JAG2: variants seen among roughly 807,000 people sequenced by gnomAD.
JAG2 encodes protein jagged-2.
Under a neutral mutation model 141.7 loss-of-function variants are expected in JAG2, and 46 were observed. The observed-to-expected ratio is 0.32, with a 90% confidence interval of 0.26 to 0.42. The LOEUF is 0.42. Among genes scored for constraint, JAG2 ranks in the 10% least tolerant of loss-of-function variants. JAG2 has a pLI of 1.00. For missense variants in JAG2, 1,500 were observed against 1,817.5 expected (o/e 0.83, Z 3.18); for synonymous variants, 862 against 763.5 (o/e 1.13, Z -2.13).
intron 2 of JAG2, among the ~76,000 whole-genome samples, chr14:105,158,532 A>G (rs75189803): frequency 0.019 from 2,928 of 152,222 alleles, 94 homozygotes; most frequent in African/African-American, 0.065. Flanking sequence ...CAGCCAAGCA[A>G]AGAGACCACA....
At chr14:105,153,439 C>A (rs913063019) in intron 5 of JAG2, among the ~76,000 whole-genome samples, 2 of 152,248 alleles carry the variant, frequency 1.3e-5, no homozygotes, top group Non-Finnish European at 2.9e-5. Flanking sequence ...GGTCATCGGC[C>A]AGAGAGCGGC....
Position 105,145,992 on chromosome 14 carries a change from G to A in JAG2, c.2710-19C>T, listed in dbSNP as rs771854644. 1.3e-5 allele frequency: 20 copies of A among 1,590,930 alleles called. No homozygotes were observed. The highest frequency in any genetic ancestry group is 1.7e-5 in the Non-Finnish European group (20 of 1,171,784). On this transcript the variant is annotated intron_variant, in intron 22 of 25. Transcript: ENST00000331782. ...ACCACACCTGGGCAGGCACGCACAGGAGGGTCAGGCGCAGGCGCACAGGAG... is the reference window on the plus strand; with the variant it reads ...ACCACACCTGGGCAGGCACGCACAGAAGGGTCAGGCGCAGGCGCACAGGAG...
chr14:105,147,225 C>A, intron 20 of JAG2, 101 bp downstream of exon 20: 1 of 897,318 alleles, frequency 1.1e-6, no homozygotes, highest in South Asian at 1.4e-5. Context: ...GTAGTTGTGG[C>A]CACACTGCCC....
chr14:105,165,751 C>T (rs768397045), intron 2 of JAG2, among the ~76,000 whole-genome samples: 7 of 152,212 alleles, frequency 4.6e-5, no homozygotes, highest in Non-Finnish European at 1.0e-4. Flanking sequence ...CCCTCTCATT[C>T]CCTTTACTCC....
At position 105,154,134 on chromosome 14, in the gene JAG2, T is replaced by C. The variant is rs1888514342; in HGVS notation, c.788+1428A>G. ...GGGGCCTGTGGAAGGGTCACCCACC[T>C]CCCCACCTTGGCTCCCAACTCAGCT... On this transcript the variant is annotated intron_variant, in intron 5 of 25. Coordinates refer to ENST00000331782, the MANE Select transcript of JAG2 (RefSeq NM_002226.5). This position sits in a 1 kb window ranked among gnomAD's most constrained non-coding sequence, Gnocchi z 4.4. 6.6e-6 allele frequency among the ~76,000 whole-genome samples: 1 copy of C among 151,966 alleles called. No homozygotes were observed. Among genetic ancestry groups the C allele is most frequent in the African/African-American group, 2.4e-5 (1 of 41,348 alleles).
intron 2 of JAG2, among the ~76,000 whole-genome samples, chr14:105,161,499 G>A (rs938176825): frequency 3.9e-4 from 60 of 152,150 alleles, no homozygotes; most frequent in African/African-American, 1.2e-3. Flanking sequence ...TGCCACCTTC[G>A]CCTGAGCCCA....
At chr14:105,164,535 C>T (rs1321888376) in intron 2 of JAG2, among the ~76,000 whole-genome samples, 3 of 152,190 alleles carry the variant, frequency 2.0e-5, no homozygotes, top group Non-Finnish European at 4.4e-5. Context: ...CCTGTCATCC[C>T]CAGCCCAAGC....
chr14:105,165,591 C>T (rs1888884908), intron 2 of JAG2, among the ~76,000 whole-genome samples: 1 of 152,218 alleles, frequency 6.6e-6, no homozygotes, highest in Non-Finnish European at 1.5e-5. Flanking sequence ...ACACAGACCC[C>T]GGCCACAAGA....
At position 105,167,517 on chromosome 14, in the gene JAG2, A is replaced by C. The variant is rs1354773720; in HGVS notation, c.417+240T>G. On this transcript the variant is annotated intron_variant, in intron 2 of 25. Transcript: ENST00000331782. The surrounding 1 kb of genome is among the most constrained non-coding windows in gnomAD (Gnocchi z 4.8). The stretch of plus-strand genomic sequence containing the variant: ...CGCCGCACACCGCCGCGCACGCGGG[A>C]CGCCGCCGCCCCGCCCCCGCCGCGA... 2.0e-5 allele frequency among the ~76,000 whole-genome samples: 3 copies of C among 147,646 alleles called. No homozygotes were observed. The highest frequency in any genetic ancestry group is 3.0e-5 in the Non-Finnish European group (2 of 66,466).
At chr14:105,148,292 C>T (rs1347767621) in intron 16 of JAG2, 34 bp downstream of exon 16, 2 of 1,590,892 alleles carry the variant, frequency 1.3e-6, no homozygotes, top group Non-Finnish European at 1.7e-6. Flanking sequence ...GTCCTGGGGG[C>T]AGCCCCAGGC....
At chr14:105,155,376 C>T (rs1358857033) in intron 5 of JAG2, among the ~76,000 whole-genome samples, 186 bp downstream of exon 5, 1 of 152,174 alleles carries the variant, frequency 6.6e-6, no homozygotes, top group Non-Finnish European at 1.5e-5. Context: ...CGCCATCAGA[C>T]ACATCCCATG....
Position 105,143,542 on chromosome 14 carries a change from G to A in JAG2, c.3181C>T (p.Leu1061=), listed in dbSNP as rs1193759039. 1 of 1,593,738 alleles carries A rather than the reference G, an allele frequency of 6.3e-7. No individual in the cohort carries two copies. Among genetic ancestry groups the A allele is most frequent in the African/African-American group, 1.3e-5 (1 of 75,002 alleles). The change falls in exon 25 of 26, where the codon CTG becomes TTG. Residue 1061 remains leucine, a synonymous_variant. Coordinates refer to ENST00000331782, the MANE Select transcript of JAG2 (RefSeq NM_002226.5). ...AAITQRGNSS[L]LLAVTEVKVE... The stretch of plus-strand genomic sequence containing the variant: ...TTGACCTCGGTGACAGCCAGGAGCA[G>A]TGAGCTGTTCCCCCGCTGGGTGATG...
chr14:105,167,988 G>T lies in JAG2; in HGVS notation c.186C>A (p.Cys62Ter). 1 of 1,601,756 alleles carries T rather than the reference G, an allele frequency of 6.2e-7. No individual in the cohort carries two copies. The highest frequency in any genetic ancestry group is 8.5e-7 in the Non-Finnish European group (1 of 1,177,378). Residue 62 changes from cysteine (C) to a stop codon, truncating the protein, a stop_gained, in exon 2 of 26, where the codon TGC (cysteine) becomes TGA (stop). Coordinates refer to ENST00000331782, the MANE Select transcript of JAG2 (RefSeq NM_002226.5). LOFTEE classifies it high-confidence loss of function. This position sits in a 1 kb window ranked among gnomAD's most constrained non-coding sequence, Gnocchi z 4.8. ...CGTACGTGTCGCACTCGTCGTGGCCGCAGCCCCCCGCGCGCGTTGTCCGGC... is the reference window on the plus strand; with the variant it reads ...CGTACGTGTCGCACTCGTCGTGGCCTCAGCCCCCCGCGCGCGTTGTCCGGC... Reference protein sequence around the residue: ...GDGRTTRAGGCGHDECDTYVR... With the variant: ...GDGRTTRAGG
chr14:105,160,761 G>A (rs999726281), intron 2 of JAG2, among the ~76,000 whole-genome samples: 1 of 152,052 alleles, frequency 6.6e-6, no homozygotes, highest in African/African-American at 2.4e-5. Flanking sequence ...TACTCTGGAG[G>A]CTGAGGCAGG....
intron 12 of JAG2, among the ~76,000 whole-genome samples, chr14:105,149,823 GGAAAAAGGGGAA>G (rs1888359157): frequency 8.1e-6 from 1 of 123,174 alleles, no homozygotes; most frequent in Non-Finnish European, 1.7e-5. Context: ...GGGGAGGCAG[GGAAAAAGGGGAA>G]GTAAGGGGAG....
chr14:105,151,122 T>A lies in JAG2; in HGVS notation c.1268-18A>T. The A allele has an allele frequency of 6.3e-7, 1 of 1,597,202 alleles. No individual in the cohort carries two copies. The highest frequency in any genetic ancestry group is 8.5e-7 in the Non-Finnish European group (1 of 1,171,742). ...ATTGGCGTCTGTGAAAGAGACAAGG[T>A]GGGAGCCGTGGGGCTCGGGCCCTGC... On this transcript the variant is annotated intron_variant, in intron 9 of 25. Coordinates refer to ENST00000331782, the MANE Select transcript of JAG2 (RefSeq NM_002226.5).
chr14:105,148,512 A>G, intron 15 of JAG2, 73 bp from the exon 16 acceptor site: 1 of 1,092,972 alleles, frequency 9.1e-7, no homozygotes, highest in South Asian at 1.3e-5. Flanking sequence ...GGGAGGAAGC[A>G]CTGGAGCTGG....
chr14:105,162,322 C>T (rs1453488478), intron 2 of JAG2, among the ~76,000 whole-genome samples: 1 of 151,768 alleles, frequency 6.6e-6, no homozygotes, highest in Non-Finnish European at 1.5e-5. Context: ...CCAACTTCAT[C>T]TCCCACCATC....
rs1294161683 is a variant in JAG2 at position 105,146,380 on chromosome 14, C to A, written c.2709+5G>T. 1 of 1,611,492 alleles carries A rather than the reference C, an allele frequency of 6.2e-7. No homozygotes were observed. The highest frequency in any genetic ancestry group is 8.5e-7 in the Non-Finnish European group (1 of 1,178,940). ...AGGGCAGGGCGGCTCACGGGCTGCCCTCACCTTGCTGCAGTCACGGCGGCC... is the reference window on the plus strand; with the variant it reads ...AGGGCAGGGCGGCTCACGGGCTGCCATCACCTTGCTGCAGTCACGGCGGCC... On this transcript the variant is annotated splice_donor_5th_base_variant and intron_variant, in intron 22 of 25. Transcript: ENST00000331782.
Sources: gnomAD v4.1 joint callset for allele counts (sites outside exome capture counted in the v4.1 genomes callset) on GRCh38, gnomAD v4.1.1 for gene constraint, Gnocchi (gnomAD v3.1) non-coding constraint, MANE v1.5 for transcripts, NCBI Gene and HGNC (gene_info 2026-07-23, HGNC 2026-07-21) for gene names.